Variants in CRK observed in about 807,000 individuals in gnomAD.
CRK encodes adapter molecule crk.
Under a neutral mutation model 29.8 loss-of-function variants are expected in CRK, and 4 were observed. The observed-to-expected ratio is 0.13, with a 90% confidence interval of 0.07 to 0.31. CRK has a LOEUF of 0.31. Ranked by LOEUF, CRK falls within the 10% of genes least tolerant of loss-of-function variation. The pLI is 1.00. For synonymous variants in CRK, 153 were observed against 164.9 expected (o/e 0.93, Z 0.55); for missense variants, 274 against 396.5 (o/e 0.69, Z 2.62).
chr17:1,441,006 G>C (rs985324303), intron 1 of CRK, among the ~76,000 whole-genome samples: 1 of 152,106 alleles, frequency 6.6e-6, no homozygotes, highest in Non-Finnish European at 1.5e-5. Context: ...GCAGACCTCA[G>C]CTGAGTGCAA....
In CRK at chr17:1,421,495, C is replaced by T. The variant is rs188704571; in HGVS notation, c.*2018G>A. 6.6e-6 allele frequency: 1 copy of T among 152,362 alleles called. No homozygotes were observed. The highest frequency in any genetic ancestry group is 1.9e-4 in the East Asian group (1 of 5,186). 9.4% of individuals were successfully genotyped at this position (152,362 alleles called of 1,614,324 possible). ...CATTCAACACTAATGAGCACCCACT[C>T]TGTGCATAGCACTGGGCTACCATTT... is the stretch of plus-strand genomic sequence containing the variant. On this transcript the variant is annotated 3_prime_UTR_variant, in exon 3 of 3. Coordinates refer to ENST00000300574, the MANE Select transcript of CRK (RefSeq NM_016823.4).
chr17:1,429,745 A>G lies in CRK; in HGVS notation c.778-6095T>C, dbSNP rs202057930. ...GGAGTTCAAGATCAGTCTAGGTTAC[A>G]AAGCAAGACTCCATTTCTACAAAAT... On this transcript the variant is annotated intron_variant, in intron 2 of 2. Coordinates refer to ENST00000300574, the MANE Select transcript of CRK (RefSeq NM_016823.4). 1.6e-4 allele frequency among the ~76,000 whole-genome samples: 25 copies of G among 152,182 alleles called. No homozygotes were observed. In the East Asian group the frequency reaches 4.8e-3, roughly 29 times the overall value.
At chr17:1,425,688 C>G (rs1042223166) in intron 2 of CRK, among the ~76,000 whole-genome samples, 2 of 152,224 alleles carry the variant, frequency 1.3e-5, no homozygotes. Context: ...CCAAAGCCAA[C>G]GTAAGTCCAG....
intron 2 of CRK, among the ~76,000 whole-genome samples, chr17:1,426,987 G>A (rs892192367): frequency 5.4e-5 from 7 of 128,456 alleles, no homozygotes; most frequent in African/African-American, 2.0e-4. Context: ...AGCCAAGATA[G>A]TACCAGTGCA....
chr17:1,423,070 C>CG lies in CRK; in HGVS notation c.*442dup. On this transcript the variant is annotated 3_prime_UTR_variant, in exon 3 of 3. Transcript: ENST00000300574. ...GCAATCCTGCTTGATACTATTCACA[C>CG]GGTGCATGATTACTTCACGGGGGTG... 2.5e-6 allele frequency: 1 copy of CG among 403,940 alleles called. No individual in the cohort carries two copies. The allele number at this position is 403,940 out of a possible 1,614,324, so 25.0% of individuals were successfully genotyped here. A position where few individuals can be genotyped will look rare whatever the true frequency, so the allele number is the denominator to read the frequency against.
intron 2 of CRK, among the ~76,000 whole-genome samples, chr17:1,428,824 G>A (rs1353621934): frequency 6.8e-6 from 1 of 146,994 alleles, no homozygotes; most frequent in Admixed American, 6.9e-5. Context: ...GCCCGGCTCA[G>A]AACTATCTTT....
At chr17:1,429,411 T>C (rs2073815511) in intron 2 of CRK, among the ~76,000 whole-genome samples, 1 of 151,978 alleles carries the variant, frequency 6.6e-6, no homozygotes, top group African/African-American at 2.4e-5. Context: ...GGACCTGGGA[T>C]TATAGGCGCC....
At chr17:1,447,228 C>G (rs1363136584) in intron 1 of CRK, among the ~76,000 whole-genome samples, 1 of 152,154 alleles carries the variant, frequency 6.6e-6, no homozygotes, top group Admixed American at 6.6e-5. Flanking sequence ...GAAGGAGGCA[C>G]AGTCAGCCAG....
chr17:1,429,020 G>C lies in CRK; in HGVS notation c.778-5370C>G, dbSNP rs185091481. On this transcript the variant is annotated intron_variant, in intron 2 of 2. Transcript: ENST00000300574. The stretch of plus-strand genomic sequence containing the variant: ...GCCACCACGTCCGGCTAATTTTTTC[G>C]CATTTTTAGTAGAGATGGGGTTTCA... 2.7e-3 allele frequency among the ~76,000 whole-genome samples: 410 copies of C among 150,860 alleles called. 3 individuals carry two copies. Among genetic ancestry groups the C allele is most frequent in the African/African-American group, 9.1e-3 (372 of 41,004 alleles).
intron 1 of CRK, among the ~76,000 whole-genome samples, chr17:1,455,208 C>G (rs1490313267): frequency 3.9e-5 from 6 of 152,230 alleles, no homozygotes; most frequent in African/African-American, 1.4e-4. Context: ...CATAGCCAGG[C>G]ATCGCCTTAA....
chr17:1,430,357 T>C (rs977107643), intron 2 of CRK, among the ~76,000 whole-genome samples: 2 of 149,546 alleles, frequency 1.3e-5, no homozygotes, highest in Non-Finnish European at 3.0e-5. Context: ...CTCATTCTGA[T>C]TATTAGTATT....
chr17:1,450,561 A>T (rs572775114), intron 1 of CRK, among the ~76,000 whole-genome samples: 4 of 152,004 alleles, frequency 2.6e-5, no homozygotes, highest in Non-Finnish European at 5.9e-5. Context: ...ATTCCATATA[A>T]TTTTCACCTA....
intron 1 of CRK, among the ~76,000 whole-genome samples, chr17:1,452,682 C>G (rs1352641611): frequency 6.6e-6 from 1 of 151,900 alleles, no homozygotes; most frequent in Non-Finnish European, 1.5e-5. Flanking sequence ...TCCAGCTACT[C>G]AGGAGGCTGA....
intron 2 of CRK, among the ~76,000 whole-genome samples, chr17:1,433,973 T>A (rs967036409): frequency 6.6e-6 from 1 of 152,044 alleles, no homozygotes; most frequent in African/African-American, 2.4e-5. Flanking sequence ...GTGCTGGGAT[T>A]ACAGGCGTAA....
chr17:1,431,285 A>G (rs1201258416), intron 2 of CRK, among the ~76,000 whole-genome samples: 2 of 152,124 alleles, frequency 1.3e-5, no homozygotes, highest in African/African-American at 4.8e-5. Context: ...GGGCAGAGGA[A>G]GAAGGCCGGA....
At chr17:1,430,436 A>G (rs2073830821) in intron 2 of CRK, among the ~76,000 whole-genome samples, 1 of 151,062 alleles carries the variant, frequency 6.6e-6, no homozygotes, top group East Asian at 2.0e-4. Flanking sequence ...GGCTCACTGC[A>G]AGCTCCGCCT....
chr17:1,454,965 G>A (rs1047729778), intron 1 of CRK, among the ~76,000 whole-genome samples: 1 of 152,108 alleles, frequency 6.6e-6, no homozygotes, highest in East Asian at 1.9e-4. Flanking sequence ...CAATATCCAG[G>A]AAGACTCAGC....
intron 1 of CRK, among the ~76,000 whole-genome samples, chr17:1,438,098 A>G (rs192088814): frequency 7.8e-4 from 118 of 152,208 alleles, no homozygotes; most frequent in Admixed American, 2.4e-3. Flanking sequence ...TCTAGAATGT[A>G]TAATTCCGAA....
At chr17:1,451,133 CA>C (rs2074014298) in intron 1 of CRK, among the ~76,000 whole-genome samples, 1 of 127,550 alleles carries the variant, frequency 7.8e-6, no homozygotes, top group Admixed American at 1.0e-4. Flanking sequence ...GCGGAGCTTG[CA>C]GTGAGCCGAG....
Sources: allele counts gnomAD v4.1 joint callset (sites outside exome capture counted in the v4.1 genomes callset), GRCh38; gene constraint gnomAD v4.1.1; transcripts MANE v1.5; gene names NCBI Gene and HGNC (gene_info 2026-07-23, HGNC 2026-07-21).